The following DCLK1 variants were observed in gnomAD, a reference collection of about 807,000 sequenced individuals.
DCLK1 encodes serine/threonine-protein kinase DCLK1.
In DCLK1, 16 loss-of-function variants were observed where a neutral mutation model predicts 86.2. The observed-to-expected ratio is 0.19, with a 90% confidence interval of 0.13 to 0.28. DCLK1 has a LOEUF of 0.28. DCLK1 is among the 10% of genes least tolerant of loss of function. The pLI, the probability that DCLK1 is intolerant of heterozygous loss-of-function variation, is 1.00. For missense variants in DCLK1, 590 were observed against 940.2 expected, an observed-to-expected ratio of 0.63 and a Z score of 4.87; for synonymous variants, 369 against 370.5, an observed-to-expected ratio of 1.00 and a Z score of 0.05.
rs780502143 is a variant in DCLK1 at position 35,918,892 on chromosome 13, G to GTGT, written c.823+28465_823+28466insACA. Among the ~76,000 whole-genome samples the GTGT allele has an allele frequency of 3.2e-3, 244 of 76,340 alleles. 6 individuals are homozygous for GTGT. The highest frequency in any genetic ancestry group is 0.01 in the African/African-American group (233 of 22,638). 50.1% of individuals were successfully genotyped at this position (76,340 alleles called of 152,430 possible). A position where few individuals can be genotyped will look rare whatever the true frequency, so the allele number is the denominator to read the frequency against. ...AAAAAGAAATCTTCCTTCTGAGTGTGTTTTTTTTTTTTTTTTTGGAAACGG... is the reference window on the plus strand; with the variant it reads ...AAAAAGAAATCTTCCTTCTGAGTGTGTGTTTTTTTTTTTTTTTTTTGGAAACGG... On this transcript the variant is annotated intron_variant, in intron 4 of 16. Coordinates refer to ENST00000360631, the MANE Select transcript of DCLK1 (RefSeq NM_001330071.2).
intron 16 of DCLK1, among the ~76,000 whole-genome samples, chr13:35,788,799 T>C (rs1048044761): frequency 7.2e-5 from 11 of 152,226 alleles, no homozygotes; most frequent in Non-Finnish European, 1.6e-4. Context: ...GCAGAGCTAC[T>C]CTTAAAGGTG....
intron 4 of DCLK1, among the ~76,000 whole-genome samples, chr13:35,937,308 G>T (rs1229768467): frequency 1.3e-5 from 2 of 151,990 alleles, no homozygotes; most frequent in Non-Finnish European, 2.9e-5. Context: ...GTTCTTGGCC[G>T]AGAGAGTTTG....
At chr13:35,808,829 T>C (rs1355504673) in intron 13 of DCLK1, among the ~76,000 whole-genome samples, 189 bp downstream of exon 13, 2 of 150,190 alleles carry the variant, frequency 1.3e-5, no homozygotes, top group Non-Finnish European at 3.0e-5. Context: ...TTTAATGATA[T>C]GGGGAAGAAA....
At chr13:36,090,566 T>G (rs919463346) in intron 3 of DCLK1, among the ~76,000 whole-genome samples, 2 of 152,090 alleles carry the variant, frequency 1.3e-5, no homozygotes, top group African/African-American at 2.4e-5. Flanking sequence ...AAGAGCTCTC[T>G]GGAGGTAGCA....
At chr13:36,090,123 G>A (rs1477174147) in intron 3 of DCLK1, among the ~76,000 whole-genome samples, 2 of 152,172 alleles carry the variant, frequency 1.3e-5, no homozygotes, top group Admixed American at 6.5e-5. Flanking sequence ...TGACATAACA[G>A]TTGTAGGCTT....
At chr13:36,006,088 C>T (rs939528934) in intron 3 of DCLK1, among the ~76,000 whole-genome samples, 11 of 152,044 alleles carry the variant, frequency 7.2e-5, no homozygotes, top group Admixed American at 1.3e-4. Flanking sequence ...ACCTAGATGA[C>T]GGGTTGATGG....
intron 3 of DCLK1, among the ~76,000 whole-genome samples, chr13:35,967,828 A>G (rs1878856872): frequency 3.3e-5 from 5 of 151,982 alleles, no homozygotes; most frequent in Admixed American, 3.3e-4. Context: ...ATCAATAAAT[A>G]CTAAAAAAAA....
intron 16 of DCLK1, 28 bp downstream of exon 16, chr13:35,793,338 G>C: frequency 6.3e-7 from 1 of 1,583,386 alleles, no homozygotes. Flanking sequence ...TTTAAAAAAA[G>C]TTATAGGTGG....
intron 6 of DCLK1, among the ~76,000 whole-genome samples, chr13:35,853,493 C>T (rs991031633): frequency 7.2e-5 from 11 of 152,188 alleles, no homozygotes; most frequent in East Asian, 3.9e-4. Flanking sequence ...CTCCCCGCCC[C>T]GCACTCTTAG....
At chr13:36,034,287 A>G (rs1271325315) in intron 3 of DCLK1, among the ~76,000 whole-genome samples, 1 of 152,252 alleles carries the variant, frequency 6.6e-6, no homozygotes, top group Non-Finnish European at 1.5e-5. Flanking sequence ...TAGAATCAAT[A>G]GAAATTAAAT....
rs537717611 is a variant in DCLK1 at position 35,935,143 on chromosome 13, C to T, written c.823+12215G>A. Among the ~76,000 whole-genome samples the T allele has an allele frequency of 9.5e-4, 145 of 152,128 alleles. 3 individuals carry two copies. The South Asian group carries it at 0.025, about 26-fold the overall frequency. On this transcript the variant is annotated intron_variant, in intron 4 of 16. Transcript: ENST00000360631. ...GCAATATGAGCAAAAGCAGATATTT[C>T]AAAAATAAATAGCTTTTGGGAGACC...
At chr13:35,804,916 A>G (rs889669537) in intron 15 of DCLK1, among the ~76,000 whole-genome samples, 1 of 152,160 alleles carries the variant, frequency 6.6e-6, no homozygotes, top group Non-Finnish European at 1.5e-5. Context: ...AGAGCCTCCA[A>G]TCTACTGTGT....
chr13:35,875,955 C>T (rs530871478), intron 4 of DCLK1, among the ~76,000 whole-genome samples: 8 of 152,198 alleles, frequency 5.3e-5, no homozygotes, highest in East Asian at 1.9e-4. Context: ...CCTCACTACC[C>T]CCAGTATCTG....
intron 3 of DCLK1, among the ~76,000 whole-genome samples, chr13:36,042,630 C>T (rs1304111370): frequency 6.6e-6 from 1 of 152,178 alleles, no homozygotes; most frequent in African/African-American, 2.4e-5. Context: ...TAAAACACAG[C>T]TAAATGTGAA....
intron 4 of DCLK1, among the ~76,000 whole-genome samples, chr13:35,878,700 C>T (rs1566582230): frequency 1.3e-5 from 2 of 152,030 alleles, no homozygotes; most frequent in Non-Finnish European, 2.9e-5. Flanking sequence ...ACCCCATTTA[C>T]CCTGATGTGA....
At position 35,783,188 on chromosome 13, in the gene DCLK1, G is replaced by C. The variant is rs377735140; in HGVS notation, c.2059-8489C>G. Reference sequence around the variant, plus strand: ...ATTACTGAGCGGTTTACTCTAATCAGAGCATTAAAACAGTTTATGATTCTA... The same window carrying C: ...ATTACTGAGCGGTTTACTCTAATCACAGCATTAAAACAGTTTATGATTCTA... On this transcript the variant is annotated intron_variant, in intron 16 of 16. Coordinates refer to ENST00000360631, the MANE Select transcript of DCLK1 (RefSeq NM_001330071.2). Among the ~76,000 whole-genome samples the C allele has an allele frequency of 1.8e-3, 279 of 152,328 alleles. 11 individuals are homozygous for C. The South Asian group carries it at 0.054, about 30-fold the overall frequency.
chr13:35,880,053 A>C (rs1244034709), intron 4 of DCLK1, among the ~76,000 whole-genome samples: 1 of 152,162 alleles, frequency 6.6e-6, no homozygotes, highest in Non-Finnish European at 1.5e-5. Flanking sequence ...TGTTAATGAA[A>C]CCGTCACCAA....
At chr13:35,961,573 A>C (rs566796933) in intron 3 of DCLK1, among the ~76,000 whole-genome samples, 1 of 152,298 alleles carries the variant, frequency 6.6e-6, no homozygotes, top group South Asian at 2.1e-4. Flanking sequence ...GCAATAACTA[A>C]ATTAAGATGA....
chr13:35,876,426 C>T (rs1290829554), intron 4 of DCLK1, among the ~76,000 whole-genome samples: 1 of 152,180 alleles, frequency 6.6e-6, no homozygotes, highest in East Asian at 1.9e-4. Flanking sequence ...AAGAATATTG[C>T]AGTGCCAAGC....
Sources: allele counts gnomAD v4.1 joint callset (sites outside exome capture counted in the v4.1 genomes callset), GRCh38; gene constraint gnomAD v4.1.1; transcripts MANE v1.5; gene names NCBI Gene and HGNC (gene_info 2026-07-23, HGNC 2026-07-21).